PPFIA2: variants seen among roughly 807,000 people sequenced by gnomAD.
PPFIA2 encodes the protein PPFI scaffold protein A2.
A neutral mutation model predicts 175.5 loss-of-function variants in PPFIA2; 46 were observed. The observed-to-expected ratio is 0.26, with a 90% CI of 0.21 to 0.34. The LOEUF (loss-of-function observed/expected upper bound fraction) is 0.34. Ranked by LOEUF, PPFIA2 falls within the 10% of genes least tolerant of loss-of-function variation. PPFIA2 has a pLI of 1.00. For synonymous variants in PPFIA2, 568 were observed against 511.4 expected (o/e 1.11, Z -1.49); for missense variants, 1,179 against 1,506.1 (o/e 0.78, Z 3.60).
In PPFIA2 at chr12:81,688,708, G is replaced by T. The variant is rs536407843; in HGVS notation, c.250-11864C>A. ...AATAACTGCAGTTCCTCTGACTGTG[G>T]TACCTTAAGGCAATTTATCAGTCTG... On this transcript the variant is annotated intron_variant, in intron 3 of 32. Transcript: ENST00000549396. Among the ~76,000 whole-genome samples the T allele has an allele frequency of 3.3e-5, 5 of 150,052 alleles. No homozygotes were observed. The East Asian group carries it at 7.9e-4, about 24-fold the overall frequency.
intron 7 of PPFIA2, among the ~76,000 whole-genome samples, chr12:81,418,195 G>A (rs1254640344): frequency 1.3e-5 from 2 of 151,816 alleles, no homozygotes; most frequent in African/African-American, 2.4e-5. Flanking sequence ...CTTGGTGGGC[G>A]TTATAGCTCC....
intron 24 of PPFIA2, among the ~76,000 whole-genome samples, chr12:81,290,709 A>C (rs1234201854): frequency 6.6e-6 from 1 of 151,898 alleles, no homozygotes; most frequent in Non-Finnish European, 1.5e-5. Flanking sequence ...GGAGATAACC[A>C]ATGTTGACAA....
At chr12:81,275,773 TTTC>T (rs2040338521) in intron 28 of PPFIA2, among the ~76,000 whole-genome samples, 1 of 151,580 alleles carries the variant, frequency 6.6e-6, no homozygotes, top group Non-Finnish European at 1.5e-5. Context: ...TCCTTAATAT[TTTC>T]TTCTTTTTTT....
intron 4 of PPFIA2, among the ~76,000 whole-genome samples, chr12:81,637,333 A>G (rs915649607): frequency 7.7e-6 from 1 of 129,940 alleles, no homozygotes; most frequent in Admixed American, 8.7e-5. Flanking sequence ...CGAACTCCCA[A>G]CCTCAGGTGT....
intron 4 of PPFIA2, among the ~76,000 whole-genome samples, chr12:81,509,602 C>CTTTTTTTTTTTTTTTTTT (rs35297606): frequency 7.0e-6 from 1 of 142,268 alleles, no homozygotes; most frequent in Non-Finnish European, 1.5e-5. Context: ...TCCACCTAAC[C>CTTTTTTTTTTTTTTTTTT]TTTTTTTTTT....
chr12:81,457,000 T>G (rs975727308), intron 5 of PPFIA2, among the ~76,000 whole-genome samples: 2 of 151,834 alleles, frequency 1.3e-5, no homozygotes, highest in Admixed American at 1.3e-4. Context: ...TCCTTTTTAT[T>G]TTATTTATTA....
intron 3 of PPFIA2, among the ~76,000 whole-genome samples, chr12:81,723,860 C>A (rs1385182847): frequency 6.6e-6 from 1 of 150,894 alleles, no homozygotes; most frequent in Admixed American, 6.6e-5. Flanking sequence ...AATTAAGATA[C>A]ATTTTTCCTT....
intron 6 of PPFIA2, among the ~76,000 whole-genome samples, chr12:81,441,072 A>T (rs2050097840): frequency 6.6e-6 from 1 of 151,602 alleles, no homozygotes; most frequent in Admixed American, 6.6e-5. Flanking sequence ...AACTGACAGC[A>T]TATTTTAATA....
At chr12:81,398,299 A>C (rs549958392) in intron 8 of PPFIA2, among the ~76,000 whole-genome samples, 14 of 152,122 alleles carry the variant, frequency 9.2e-5, no homozygotes, top group Admixed American at 2.6e-4. Flanking sequence ...ATGGTGTAAC[A>C]AAGTTTTCTT....
chr12:81,667,097 C>T (rs2070473394), intron 4 of PPFIA2, among the ~76,000 whole-genome samples: 1 of 152,034 alleles, frequency 6.6e-6, no homozygotes. Context: ...ATCTTTGGGG[C>T]ATATACAAAA....
chr12:81,363,131 T>C (rs1348107803), intron 14 of PPFIA2, among the ~76,000 whole-genome samples: 1 of 151,546 alleles, frequency 6.6e-6, no homozygotes, highest in Admixed American at 6.6e-5. Flanking sequence ...ATTTATGCAG[T>C]AAATGAAGAA....
chr12:81,322,997 G>A (rs1305245252), intron 22 of PPFIA2, among the ~76,000 whole-genome samples: 2 of 152,162 alleles, frequency 1.3e-5, no homozygotes, highest in South Asian at 2.1e-4. Context: ...GATGGTAAGT[G>A]TGCCTCAAAT....
In PPFIA2 at chr12:81,375,366, G is replaced by C. The variant is rs147910214; in HGVS notation, c.1131+430C>G. On this transcript the variant is annotated intron_variant, in intron 10 of 32. Coordinates refer to ENST00000549396, the MANE Select transcript of PPFIA2 (RefSeq NM_003625.5). Reference sequence around the variant, plus strand: ...TTTGGCCCACGGCTATAGTTTGCCTGTTTCTGCTCTAGAGCCCAATAAACT... The same window carrying C: ...TTTGGCCCACGGCTATAGTTTGCCTCTTTCTGCTCTAGAGCCCAATAAACT... Among the ~76,000 whole-genome samples the C allele has an allele frequency of 3.1e-3, 478 of 152,208 alleles. 8 individuals carry two copies. The highest frequency in any genetic ancestry group is 0.011 in the African/African-American group (446 of 41,566).
At chr12:81,511,787 A>C (rs1031580822) in intron 4 of PPFIA2, among the ~76,000 whole-genome samples, 35 of 152,030 alleles carry the variant, frequency 2.3e-4, no homozygotes, top group African/African-American at 8.5e-4. Flanking sequence ...TAAGAACCCA[A>C]CATTTCCAAG....
intron 4 of PPFIA2, among the ~76,000 whole-genome samples, chr12:81,480,229 A>C (rs1300730005): frequency 1.3e-5 from 2 of 151,832 alleles, no homozygotes; most frequent in Non-Finnish European, 1.5e-5. Flanking sequence ...ATGCTTCATG[A>C]AGTACTCGTG....
chr12:81,432,648 T>A (rs1279910343), intron 7 of PPFIA2, among the ~76,000 whole-genome samples: 1 of 151,826 alleles, frequency 6.6e-6, no homozygotes. Context: ...GTATAGAGAC[T>A]GGGTTTCACC....
At chr12:81,334,784 A>C (rs1427900230) in intron 21 of PPFIA2, among the ~76,000 whole-genome samples, 1 of 152,198 alleles carries the variant, frequency 6.6e-6, no homozygotes, top group Non-Finnish European at 1.5e-5. Flanking sequence ...CATTCCTGCC[A>C]CTGCTTTTAC....
intron 4 of PPFIA2, among the ~76,000 whole-genome samples, chr12:81,622,966 A>C (rs1262445737): frequency 6.6e-6 from 1 of 152,144 alleles, no homozygotes; most frequent in East Asian, 1.9e-4. Context: ...ACATACAGCA[A>C]GGTTTACCCA....
intron 4 of PPFIA2, among the ~76,000 whole-genome samples, chr12:81,578,436 T>C (rs1337174859): frequency 1.3e-5 from 2 of 151,688 alleles, no homozygotes; most frequent in Non-Finnish European, 2.9e-5. Context: ...TTATCCCAAC[T>C]AACCAGCTTA....
Sources: gnomAD v4.1 joint callset for allele counts (sites outside exome capture counted in the v4.1 genomes callset) on GRCh38, gnomAD v4.1.1 for gene constraint, MANE v1.5 for transcripts, NCBI Gene and HGNC (gene_info 2026-07-23, HGNC 2026-07-21) for gene names.